The following EYS variants were observed in gnomAD, a reference collection of about 807,000 sequenced individuals.
EYS encodes EGF-like photoreceptor maintenance factor.
In EYS, 250 loss-of-function variants were observed where a neutral mutation model predicts 282.1. The observed-to-expected ratio is 0.89, with a 90% CI of 0.80 to 0.98. The LOEUF (loss-of-function observed/expected upper bound fraction) is 0.98. Ranked by LOEUF, EYS falls within the 50% of genes least tolerant of loss-of-function variation. The pLI is 0.00. For missense variants in EYS, 4,016 were observed against 3,709.0 expected (o/e 1.08, Z -2.15); for synonymous variants, 1,355 against 1,282.9 (o/e 1.06, Z -1.20).
chr6:64,024,397 C>T (rs1057436539), intron 33 of EYS, among the ~76,000 whole-genome samples: 2 of 152,152 alleles, frequency 1.3e-5, no homozygotes, highest in Middle Eastern at 3.4e-3. Flanking sequence ...TGGAGAACAT[C>T]TGTGTCTAGC....
chr6:65,281,294 A>G (rs1306240720), intron 12 of EYS, among the ~76,000 whole-genome samples: 14 of 151,986 alleles, frequency 9.2e-5, no homozygotes, highest in Non-Finnish European at 2.1e-4. Flanking sequence ...TAAAACTAGC[A>G]AAATTAAAGA....
intron 26 of EYS, among the ~76,000 whole-genome samples, chr6:64,449,797 A>G (rs947397670): frequency 1.6e-4 from 25 of 152,302 alleles, no homozygotes; most frequent in African/African-American, 5.8e-4. Context: ...TTTACAGACA[A>G]GCAAATGCTG....
intron 11 of EYS, among the ~76,000 whole-genome samples, chr6:65,333,801 T>C (rs1282669927): frequency 2.0e-5 from 3 of 151,670 alleles, no homozygotes; most frequent in South Asian, 2.1e-4. Flanking sequence ...TTTATAATTA[T>C]AAAATATCTT....
At chr6:63,762,764 C>T (rs1176988263) in intron 40 of EYS, 131 bp from the exon 41 acceptor site, 2 of 854,170 alleles carry the variant, frequency 2.3e-6, no homozygotes. Flanking sequence ...GTGATTCAAA[C>T]CCTAAATTGT....
intron 36 of EYS, among the ~76,000 whole-genome samples, chr6:63,811,584 G>A (rs1384392947): frequency 6.6e-6 from 1 of 152,040 alleles, no homozygotes; most frequent in Non-Finnish European, 1.5e-5. Context: ...ACAGGTGGAT[G>A]AGTCCTGAGT....
chr6:64,963,471 A>G (rs1235616954), intron 14 of EYS, among the ~76,000 whole-genome samples: 5 of 152,138 alleles, frequency 3.3e-5, no homozygotes, highest in African/African-American at 7.2e-5. Flanking sequence ...AGATAATCCA[A>G]CGACTTGAAT....
intron 2 of EYS, 86 bp downstream of exon 2, chr6:65,639,692 A>G (rs1767213592): frequency 6.6e-6 from 1 of 152,144 alleles, no homozygotes; most frequent in Admixed American, 6.6e-5. Flanking sequence ...CTGAATAAGG[A>G]AGCAAAAATT....
intron 21 of EYS, among the ~76,000 whole-genome samples, chr6:64,817,514 G>T (rs553930239): frequency 6.6e-6 from 1 of 152,154 alleles, no homozygotes; most frequent in Admixed American, 6.6e-5. Context: ...TACATGCAGG[G>T]GATACATGTG....
chr6:64,245,911 C>T (rs1487201716), intron 30 of EYS, among the ~76,000 whole-genome samples: 6 of 147,824 alleles, frequency 4.1e-5, no homozygotes, highest in East Asian at 2.1e-4. Context: ...CCCAGCTACA[C>T]GGGAGGCTGA....
At chr6:64,237,276 C>A (rs975382902) in intron 30 of EYS, among the ~76,000 whole-genome samples, 1 of 152,166 alleles carries the variant, frequency 6.6e-6, no homozygotes, top group Non-Finnish European at 1.5e-5. Context: ...CTGTTTCATT[C>A]ACCTGGAGTC....
chr6:64,096,548 A>G (rs535458680), intron 31 of EYS, among the ~76,000 whole-genome samples: 3 of 152,336 alleles, frequency 2.0e-5, no homozygotes, highest in African/African-American at 4.8e-5. Flanking sequence ...CGAATCAGCT[A>G]CTGAGGCTTG....
chr6:63,945,295 A>G (rs190899717), intron 35 of EYS, among the ~76,000 whole-genome samples: 2 of 152,252 alleles, frequency 1.3e-5, no homozygotes, highest in Admixed American at 1.3e-4. Context: ...AGGCCCTTAT[A>G]AAACCATCAG....
intron 2 of EYS, among the ~76,000 whole-genome samples, chr6:65,582,198 C>CAAATAAAT (rs3049810): frequency 0.094 from 13,525 of 143,160 alleles, 671 homozygotes; most frequent in African/African-American, 0.13. Flanking sequence ...TCCATCTCAA[C>CAAATAAAT]AAATAAATAA....
chr6:65,627,041 CTT>C (rs1766727842), intron 2 of EYS, among the ~76,000 whole-genome samples: 1 of 151,006 alleles, frequency 6.6e-6, no homozygotes. Context: ...TTCTTTCTCT[CTT>C]TCTTTCATCT....
chr6:64,776,074 C>G lies in EYS; in HGVS notation c.3443+37304G>C, dbSNP rs191740437. Among the ~76,000 whole-genome samples, 402 of 152,116 alleles carry G rather than the reference C, an allele frequency of 2.6e-3. 7 individuals carry two copies. The highest frequency in any genetic ancestry group is 6.9e-4 in the Non-Finnish European group (47 of 67,956). On this transcript the variant is annotated intron_variant, in intron 22 of 42. Transcript: ENST00000503581. Reference sequence around the variant, plus strand: ...GCAGAAAGCACTAAATCAAAACGGGCTGCTGAAAAACTAAAAATCAAATAT... The same window carrying G: ...GCAGAAAGCACTAAATCAAAACGGGGTGCTGAAAAACTAAAAATCAAATAT...
intron 29 of EYS, among the ~76,000 whole-genome samples, chr6:64,322,308 G>A (rs1300904211): frequency 6.6e-6 from 1 of 151,912 alleles, no homozygotes; most frequent in Non-Finnish European, 1.5e-5. Context: ...GCATATGTGG[G>A]GCTAGGTGTT....
chr6:65,171,867 G>T (rs1388433149), intron 12 of EYS, among the ~76,000 whole-genome samples: 1 of 151,374 alleles, frequency 6.6e-6, no homozygotes, highest in Non-Finnish European at 1.5e-5. Flanking sequence ...AATTTTTGTT[G>T]TATTTTATTT....
chr6:64,365,268 TAGGCTACATATAGAGCAGAA>T (rs1397440896), intron 29 of EYS, among the ~76,000 whole-genome samples: 1 of 151,976 alleles, frequency 6.6e-6, no homozygotes, highest in Admixed American at 6.6e-5. Flanking sequence ...AAGTGAGTGC[TAGGCTACATATAGAGCAGAA>T]ATAATCAGAA....
chr6:64,514,739 G>A (rs1427884214), intron 26 of EYS, among the ~76,000 whole-genome samples: 1 of 151,792 alleles, frequency 6.6e-6, no homozygotes, highest in Admixed American at 6.6e-5. Context: ...ACCTAACCCT[G>A]TCTAATATAG....
Sources: gnomAD v4.1 joint callset for allele counts (sites outside exome capture counted in the v4.1 genomes callset) on GRCh38, gnomAD v4.1.1 for gene constraint, MANE v1.5 for transcripts, NCBI Gene and HGNC (gene_info 2026-07-23, HGNC 2026-07-21) for gene names.